The following KANK1 variants were observed in gnomAD, a reference collection of about 807,000 sequenced individuals.
KANK1 encodes KN motif and ankyrin repeat domains 1, also known as KN motif and ankyrin repeat domain-containing protein 1.
In KANK1, 109 loss-of-function variants were observed where a neutral mutation model predicts 106.2. The observed-to-expected ratio is 1.03, with a 90% CI of 0.88 to 1.20. The LOEUF (loss-of-function observed/expected upper bound fraction) is 1.20, where lower values mean the gene tolerates loss of function less well. Among genes scored for constraint, KANK1 ranks in the 50% most tolerant of loss-of-function variants. The pLI is 0.00. For missense variants in KANK1, 2,399 were observed against 1,710.7 expected (o/e 1.40, Z -7.10); for synonymous variants, 873 against 652.2 (o/e 1.34, Z -5.16).
At chr9:472,243 A>T (rs1587167089) in intron 2 of KANK1, among the ~76,000 whole-genome samples, 1 of 152,206 alleles carries the variant, frequency 6.6e-6, no homozygotes, top group African/African-American at 2.4e-5. Flanking sequence ...CCCTCAAGCC[A>T]TGACTGACCA....
intron 1 of KANK1, among the ~76,000 whole-genome samples, chr9:573,765 G>A (rs138396441): frequency 4.0e-5 from 6 of 148,500 alleles, no homozygotes; most frequent in African/African-American, 1.2e-4. Flanking sequence ...TCGAAATCCT[G>A]AGTGAAAAGA....
intron 1 of KANK1, among the ~76,000 whole-genome samples, chr9:648,958 G>C (rs1336527015): frequency 6.6e-6 from 1 of 152,084 alleles, no homozygotes; most frequent in African/African-American, 2.4e-5. Context: ...TGTATTATTA[G>C]GAGACTCTCA....
At chr9:565,520 C>T (rs1341627656) in intron 1 of KANK1, among the ~76,000 whole-genome samples, 1 of 151,974 alleles carries the variant, frequency 6.6e-6, no homozygotes, top group Non-Finnish European at 1.5e-5. Flanking sequence ...AATTAATCTC[C>T]CTGAAGTTTT....
At chr9:730,542 A>T in intron 4 of KANK1, 1 of 364,810 alleles carries the variant, frequency 2.7e-6, no homozygotes, top group South Asian at 2.2e-5. Flanking sequence ...AAAATACAAA[A>T]ATTAGCCAGG....
At position 711,867 on chromosome 9, in the gene KANK1, C is replaced by A. The variant is rs770647897; in HGVS notation, c.1101C>A (p.Phe367Leu). 3.1e-6 allele frequency: 5 copies of A among 1,614,132 alleles called. No homozygotes were observed. The Admixed American group carries it at 6.7e-5, about 22-fold the overall frequency. Reference sequence around the variant, plus strand: ...AGAGCACGCAGAGGATAAAGGAGTTCCGGCAACTTACAGCAGACATGCAAG... The same window carrying A: ...AGAGCACGCAGAGGATAAAGGAGTTACGGCAACTTACAGCAGACATGCAAG... ...VEQSTQRIKE[F>L]RQLTADMQAL... The change falls in exon 3 of 12, where the codon TTC becomes TTA. Residue 367 changes from phenylalanine to leucine, a missense_variant. Phe to Leu is a conservative substitution (Grantham distance 22). Transcript: ENST00000382297.
intron 1 of KANK1, among the ~76,000 whole-genome samples, chr9:663,828 G>T (rs1843934490): frequency 6.6e-6 from 1 of 152,158 alleles, no homozygotes. Context: ...TACACTCTTG[G>T]AAAGATACTG....
At chr9:670,659 A>C (rs940982907) in intron 1 of KANK1, among the ~76,000 whole-genome samples, 1 of 152,084 alleles carries the variant, frequency 6.6e-6, no homozygotes, top group Non-Finnish European at 1.5e-5. Context: ...TGAGTTACAG[A>C]GCGGAGCTTC....
chr9:479,724 G>A (rs2132134096), intron 3 of KANK1, among the ~76,000 whole-genome samples: 1 of 152,330 alleles, frequency 6.6e-6, no homozygotes, highest in South Asian at 2.1e-4. Flanking sequence ...TGCAAATGGG[G>A]TTCCATTTCC....
chr9:566,000 C>A (rs1036570403), intron 1 of KANK1, among the ~76,000 whole-genome samples: 1 of 152,158 alleles, frequency 6.6e-6, no homozygotes. Flanking sequence ...TTTTTCTTCA[C>A]CCTCTGCTTC....
chr9:592,405 C>T lies in KANK1; in HGVS notation c.-83-84485C>T, dbSNP rs184975238. ...GACTCAAAGACTTTGTCATTACATC[C>T]ATACTGAATAAATGCCCGCAGCACT... On this transcript the variant is annotated intron_variant, in intron 1 of 11. Coordinates refer to ENST00000382297, the MANE Select transcript of KANK1 (RefSeq NM_015158.5). 2.6e-5 allele frequency among the ~76,000 whole-genome samples: 4 copies of T among 151,942 alleles called. 1 individual carries two copies. Among genetic ancestry groups the T allele is most frequent in the African/African-American group, 9.7e-5 (4 of 41,218 alleles).
intron 2 of KANK1, among the ~76,000 whole-genome samples, chr9:701,867 G>A (rs1822758114): frequency 6.6e-6 from 1 of 152,076 alleles, no homozygotes; most frequent in South Asian, 2.1e-4. Flanking sequence ...AAATCATATA[G>A]TACTTTATGA....
intron 2 of KANK1, among the ~76,000 whole-genome samples, chr9:688,029 C>G (rs1360047092): frequency 2.0e-5 from 3 of 152,178 alleles, no homozygotes; most frequent in East Asian, 3.8e-4. Context: ...GCATATAATA[C>G]AGGTCAAAAA....
intron 3 of KANK1, among the ~76,000 whole-genome samples, chr9:498,089 T>C (rs1396887606): frequency 1.3e-5 from 2 of 152,156 alleles, no homozygotes; most frequent in Non-Finnish European, 2.9e-5. Context: ...CTCATTCTGA[T>C]CCAACTTACT....
At position 555,517 on chromosome 9, in the gene KANK1, A is replaced by G. The variant is rs149577697; in HGVS notation, c.-84+50763A>G. ...TCAGATACCAATTAGGTAAAATACT[A>G]TAGTTTGTATATGATGGGGATTATC... is the stretch of plus-strand genomic sequence containing the variant. On this transcript the variant is annotated intron_variant, in intron 1 of 11. Transcript: ENST00000382297. 7.9e-5 allele frequency among the ~76,000 whole-genome samples: 12 copies of G among 152,364 alleles called. No homozygotes were observed. The East Asian group carries it at 1.9e-3, about 24-fold the overall frequency.
chr9:708,516 A>G (rs1342870532), intron 2 of KANK1, among the ~76,000 whole-genome samples: 3 of 152,172 alleles, frequency 2.0e-5, no homozygotes, highest in African/African-American at 7.2e-5. Flanking sequence ...GAGCAATTTA[A>G]TATTGTTTTA....
At chr9:603,294 T>C (rs1828243818) in intron 1 of KANK1, among the ~76,000 whole-genome samples, 1 of 151,892 alleles carries the variant, frequency 6.6e-6, no homozygotes, top group Admixed American at 6.5e-5. Context: ...TAGTATTGAA[T>C]TGTTTTCAGT....
At chr9:581,066 C>T (rs1011346975) in intron 1 of KANK1, among the ~76,000 whole-genome samples, 6 of 151,898 alleles carry the variant, frequency 4.0e-5, no homozygotes, top group Admixed American at 6.5e-5. Context: ...TGGGGCCCGC[C>T]GAGCCCACAC....
At chr9:679,667 G>A (rs1310426463) in intron 2 of KANK1, among the ~76,000 whole-genome samples, 2 of 152,036 alleles carry the variant, frequency 1.3e-5, no homozygotes, top group African/African-American at 4.8e-5. Context: ...TGCCTACCTC[G>A]GCACTTTGGG....
At chr9:512,025 C>G (rs1301724433) in intron 1 of KANK1, among the ~76,000 whole-genome samples, 1 of 151,992 alleles carries the variant, frequency 6.6e-6, no homozygotes, top group Non-Finnish European at 1.5e-5. Context: ...GCTCCCATGA[C>G]TATTGCCTTA....
Sources: gnomAD v4.1 joint callset for allele counts (sites outside exome capture counted in the v4.1 genomes callset) on GRCh38, gnomAD v4.1.1 for gene constraint, MANE v1.5 for transcripts, NCBI Gene and HGNC (gene_info 2026-07-23, HGNC 2026-07-21) for gene names.